Variants in DHX38 observed in about 807,000 individuals in gnomAD.
DHX38 encodes the protein pre-mRNA-splicing factor ATP-dependent RNA helicase PRP16.
Under a neutral mutation model 153.1 loss-of-function variants are expected in DHX38, and 100 were observed. The observed-to-expected ratio is 0.65, with a 90% CI of 0.56 to 0.77. DHX38 has a LOEUF of 0.77. Among genes scored for constraint, DHX38 ranks in the 30% least tolerant of loss-of-function variants. The probability of loss-of-function intolerance (pLI) is 0.00; values close to 1 mark genes in which losing one functional copy is unlikely to be tolerated. For synonymous variants in DHX38, 650 were observed against 631.7 expected (o/e 1.03, Z -0.43); for missense variants, 1,440 against 1,654.0 (o/e 0.87, Z 2.24).
At chr16:72,109,270 G>T in intron 24 of DHX38, 145 bp from the exon 25 acceptor site, 1 of 879,796 alleles carries the variant, frequency 1.1e-6, no homozygotes, top group Non-Finnish European at 1.7e-6. Flanking sequence ...GTTTGGATGG[G>T]AGTATCTGGG....
Position 72,098,694 on chromosome 16 carries a change from T to C in DHX38, c.666T>C (p.Tyr222=). The change falls in exon 5 of 27, where the codon TAT becomes TAC. Residue 222 remains tyrosine (Y), a synonymous_variant. Transcript: ENST00000268482. Reference sequence around the variant, plus strand: ...CCTGGGAGGAAGAGGACAGTGGCTATGGCTCCTCAAGGCGCTCACAGTGGG... The same window carrying C: ...CCTGGGAGGAAGAGGACAGTGGCTACGGCTCCTCAAGGCGCTCACAGTGGG... ...RSTWEEEDSG[Y]GSSRRSQWES... 2 of 1,613,998 alleles carry C rather than the reference T, an allele frequency of 1.2e-6. No individual in the cohort carries two copies. Among genetic ancestry groups the C allele is most frequent in the Non-Finnish European group, 1.7e-6 (2 of 1,179,984 alleles).
chr16:72,096,147 C>T lies in DHX38; in HGVS notation c.-11C>T, dbSNP rs758537507. On this transcript the variant is annotated 5_prime_UTR_variant, in exon 2 of 27. Transcript: ENST00000268482. The stretch of plus-strand genomic sequence containing the variant: ...GTTTGCCTTCCTTCCAGAGAAATCC[C>T]AGATCCTGTGATGGGGGACACCAGT... 2.9e-5 allele frequency: 46 copies of T among 1,587,440 alleles called. No homozygotes were observed. Among genetic ancestry groups the T allele is most frequent in the Non-Finnish European group, 3.4e-5 (39 of 1,161,814 alleles).
In DHX38 at chr16:72,105,336, A is replaced by T. The variant is rs1406144372; in HGVS notation, c.2367A>T (p.Lys789Asn). The part of the protein sequence containing the change: ...YSQLPSDLQA[K>N]IFQKAPDGVR... ...AGCTGCCTTCTGACCTCCAGGCCAAAATCTTCCAGAAGGTGTGTCAGCAGG... is the reference window on the plus strand; with the variant it reads ...AGCTGCCTTCTGACCTCCAGGCCAATATCTTCCAGAAGGTGTGTCAGCAGG... Residue 789 changes from lysine to asparagine, a missense_variant, in exon 17 of 27, where the codon AAA (lysine) becomes AAT (asparagine). Around this residue, in one of 6 missense-constraint regions of DHX38, gnomAD observed 543 missense variants for 717.9 expected, o/e 0.76. Transcript: ENST00000268482. 1 of 1,613,888 alleles carries T rather than the reference A, an allele frequency of 6.2e-7. No individual in the cohort carries two copies. Among genetic ancestry groups the T allele is most frequent in the Non-Finnish European group, 8.5e-7 (1 of 1,179,986 alleles).
Position 72,098,760 on chromosome 16 carries a change from G to C in DHX38, c.732G>C (p.Arg244=), listed in dbSNP as rs747685944. 10 of 1,614,186 alleles carry C rather than the reference G, an allele frequency of 6.2e-6. No homozygotes were observed. The highest frequency in any genetic ancestry group is 8.5e-6 in the Non-Finnish European group (10 of 1,180,036). Residue 244 remains arginine, a synonymous_variant, in exon 5 of 27, where the codon CGG becomes CGC. Coordinates refer to ENST00000268482, the MANE Select transcript of DHX38 (RefSeq NM_014003.4). ...CGCCTTCCTATCGGGATTCTGAGCG[G>C]AGCCATCGGCTGTCCACTCGAGATC... ...SPTPSYRDSE[R]SHRLSTRDRD... is the part of the protein sequence containing the mutation.
At chr16:72,097,862 G>T in intron 4 of DHX38, 81 bp downstream of exon 4, 1 of 1,321,946 alleles carries the variant, frequency 7.6e-7, no homozygotes, top group Non-Finnish European at 1.1e-6. Flanking sequence ...CAGTGAGATT[G>T]CTGAGGCATT....
Position 72,112,521 on chromosome 16 carries a change from T to C in DHX38, c.*24T>C, listed in dbSNP as rs376240577. On this transcript the variant is annotated 3_prime_UTR_variant, in exon 27 of 27. Coordinates refer to ENST00000268482, the MANE Select transcript of DHX38 (RefSeq NM_014003.4). ...GAGCTGAGGCTGTCCCCAGAGAGGA[T>C]GGCAGCAGGTATTGGGTCCTCAGCC... The C allele has an allele frequency of 1.8e-5, 29 of 1,610,598 alleles. 1 individual carries two copies. In the African/African-American group the frequency reaches 3.7e-4, roughly 21 times the overall value.
At chr16:72,095,390 AG>A (rs1482310950) in intron 1 of DHX38, among the ~76,000 whole-genome samples, 1 of 152,232 alleles carries the variant, frequency 6.6e-6, no homozygotes, top group African/African-American at 2.4e-5. Context: ...GGCCAAGAAA[AG>A]CCACTAAAGT....
rs34425506 is a variant in DHX38 at position 72,096,241 on chromosome 16, G to A, written c.84G>A (p.Lys28=). 2.8e-4 allele frequency: 444 copies of A among 1,614,174 alleles called. 1 individual carries two copies. The African/African-American group carries it at 3.0e-3, about 11-fold the overall frequency. ...GTCAGGTTGGTGGTCTTATTTGCAA[G>A]TCCAAAAGTGCGGCCAGCGAGCAGC... The part of the protein sequence containing the change: ...LDCQVGGLIC[K]SKSAASEQHV... The change falls in exon 2 of 27, where the codon AAG becomes AAA. Residue 28 remains lysine (K), a synonymous_variant. Coordinates refer to ENST00000268482, the MANE Select transcript of DHX38 (RefSeq NM_014003.4).
At chr16:72,105,486 C>A (rs746146073) in intron 17 of DHX38, 31 bp from the exon 18 acceptor site, 20 of 1,611,760 alleles carry the variant, frequency 1.2e-5, no homozygotes, top group Non-Finnish European at 1.5e-5. Context: ...TCGAGGGACT[C>A]ATTTTTCCCT....
chr16:72,107,337 C>G lies in DHX38; in HGVS notation c.2601-3C>G. 1 of 1,604,290 alleles carries G rather than the reference C, an allele frequency of 6.2e-7. No homozygotes were observed. The highest frequency in any genetic ancestry group is 8.5e-7 in the Non-Finnish European group (1 of 1,178,210). On this transcript the variant is annotated splice_polypyrimidine_tract_variant and splice_region_variant and intron_variant, in intron 19 of 26. Transcript: ENST00000268482. This position sits in a 1 kb window ranked among gnomAD's most constrained non-coding sequence, Gnocchi z 5.3. The stretch of plus-strand genomic sequence containing the variant: ...TGAGAAGATGGGGTCTTCTCCCCGG[C>G]AGGCTCTACACCCAGAGCGCCTACA...
At chr16:72,099,502 A>G (rs1469135124) in intron 7 of DHX38, among the ~76,000 whole-genome samples, 1 of 152,112 alleles carries the variant, frequency 6.6e-6, no homozygotes, top group Admixed American at 6.5e-5. Flanking sequence ...ACCATGTGGT[A>G]AATCTAAGAA....
Position 72,104,417 on chromosome 16 carries a change from C to T in DHX38, c.2011-69C>T, listed in dbSNP as rs1355656368. ...GGCTTGTGTTTCCTCGGGGGTGGTG[C>T]TGATGGGACTGGGGGACAGGAGCCA... On this transcript the variant is annotated intron_variant, in intron 14 of 26. Coordinates refer to ENST00000268482, the MANE Select transcript of DHX38 (RefSeq NM_014003.4). This position sits in a 1 kb window ranked among gnomAD's most constrained non-coding sequence, Gnocchi z 4.5. 5.0e-6 allele frequency: 8 copies of T among 1,591,584 alleles called. No individual in the cohort carries two copies. The highest frequency in any genetic ancestry group is 1.1e-5 in the South Asian group (1 of 89,894).
Position 72,096,293 on chromosome 16 carries a change from C to T in DHX38, c.136C>T (p.Pro46Ser). Residue 46 changes from proline to serine, a missense_variant, in exon 2 of 27, where the codon CCT becomes TCT. Pro to Ser is a moderately conservative substitution (Grantham distance 74, BLOSUM62 -1). Transcript: ENST00000268482. Reference sequence around the variant, plus strand: ...TGTCTTCAAGGCTCCTGCTCCCCGCCCTTCATTACTCGGACTGGACTTGCT... The same window carrying T: ...TGTCTTCAAGGCTCCTGCTCCCCGCTCTTCATTACTCGGACTGGACTTGCT... ...QHVFKAPAPR[P>S]SLLGLDLLAS... 6.2e-7 allele frequency: 1 copy of T among 1,614,136 alleles called. No individual in the cohort carries two copies.
intron 19 of DHX38, among the ~76,000 whole-genome samples, chr16:72,106,456 T>TTTCTTTCTTTCTTTCTTTCTTTCCTTCC (rs1555539045): frequency 3.2e-5 from 2 of 62,478 alleles, no homozygotes; most frequent in Non-Finnish European, 6.5e-5. Context: ...TTCTTTCTTT[T>TTTCTTTCTTTCTTTCTTTCTTTCCTTCC]TTCCAATTAG....
Position 72,107,274 on chromosome 16 carries a change from A to G in DHX38, c.2601-66A>G, listed in dbSNP as rs536158251. 1 of 1,486,608 alleles carries G rather than the reference A, an allele frequency of 6.7e-7. No individual in the cohort carries two copies. Among genetic ancestry groups the G allele is most frequent in the East Asian group, 2.3e-5 (1 of 43,762 alleles). The allele number at this position is 1,486,608 out of a possible 1,614,324, so 92.1% of individuals were successfully genotyped here. A position where few individuals can be genotyped will look rare whatever the true frequency, so the allele number is the denominator to read the frequency against. On this transcript the variant is annotated intron_variant, in intron 19 of 26. Coordinates refer to ENST00000268482, the MANE Select transcript of DHX38 (RefSeq NM_014003.4). The surrounding 1 kb of genome is among the most constrained non-coding windows in gnomAD (Gnocchi z 5.3). ...TGAGAATTTCCTCCCTCCCTGTGGG[A>G]TTTCATCTGTACTGGCTGCTGTGGG...
At chr16:72,111,157 C>T (rs993140893) in intron 26 of DHX38, 80 bp downstream of exon 26, 1 of 1,461,212 alleles carries the variant, frequency 6.8e-7, no homozygotes, top group Non-Finnish European at 9.0e-7. Context: ...GATGCAGGGT[C>T]AGGATTTATG....
chr16:72,112,315 G>T, intron 26 of DHX38, 98 bp from the exon 27 acceptor site: 1 of 1,212,878 alleles, frequency 8.2e-7, no homozygotes. Context: ...TCCCCACCAT[G>T]GGTTAGGAAC....
At chr16:72,100,634 G>A (rs2042086702) in intron 9 of DHX38, 37 bp downstream of exon 9, 5 of 1,606,592 alleles carry the variant, frequency 3.1e-6, no homozygotes, top group Non-Finnish European at 3.4e-6. Flanking sequence ...AGACAGCTCA[G>A]AGAGACCTGA....
chr16:72,100,428 C>G lies in DHX38; in HGVS notation c.1117-8C>G. Reference sequence around the variant, plus strand: ...AATTTGAGTGTGGCTCCCATTGTGTCCTCACAGGATAACGAGCGCTGGGAG... The same window carrying G: ...AATTTGAGTGTGGCTCCCATTGTGTGCTCACAGGATAACGAGCGCTGGGAG... On this transcript the variant is annotated splice_region_variant and splice_polypyrimidine_tract_variant and intron_variant, in intron 8 of 26. Transcript: ENST00000268482. 6.2e-7 allele frequency: 1 copy of G among 1,613,500 alleles called. No individual in the cohort carries two copies. Among genetic ancestry groups the G allele is most frequent in the Non-Finnish European group, 8.5e-7 (1 of 1,179,664 alleles).
Sources: gnomAD v4.1 joint callset for allele counts (sites outside exome capture counted in the v4.1 genomes callset) on GRCh38, gnomAD v4.1.1 for gene constraint, gnomAD v4.1.1 regional missense constraint, Gnocchi (gnomAD v3.1) non-coding constraint, MANE v1.5 for transcripts, NCBI Gene and HGNC (gene_info 2026-07-23, HGNC 2026-07-21) for gene names.